The following TPRG1 variants were observed in gnomAD, a reference collection of about 807,000 sequenced individuals.
TPRG1 encodes the protein tumor protein p63-regulated gene 1 protein.
Under a neutral mutation model 29.3 loss-of-function variants are expected in TPRG1, and 29 were observed. That is an observed-to-expected ratio of 0.99 (90% confidence interval 0.74 to 1.35). TPRG1 has a LOEUF of 1.35. Ranked by LOEUF, TPRG1 falls within the 40% of genes most tolerant of loss-of-function variation. TPRG1 has a pLI of 0.00. For missense variants in TPRG1, 327 were observed against 335.0 expected (o/e 0.98, Z 0.19); for synonymous variants, 130 against 116.8 (o/e 1.11, Z -0.73).
intron 1 of TPRG1, among the ~76,000 whole-genome samples, chr3:189,114,994 A>G (rs547324389): frequency 7.2e-5 from 11 of 152,298 alleles, no homozygotes; most frequent in African/African-American, 2.6e-4. Flanking sequence ...CTGTTTTTAC[A>G]CAAGTAAAGG....
intron 4 of TPRG1, among the ~76,000 whole-genome samples, chr3:189,254,924 T>A (rs1711566989): frequency 6.6e-6 from 1 of 152,226 alleles, no homozygotes; most frequent in Non-Finnish European, 1.5e-5. Context: ...GTTTTGGGGC[T>A]GAGAAGATGG....
intron 4 of TPRG1, among the ~76,000 whole-genome samples, chr3:189,092,233 C>A (rs180972570): frequency 2.6e-5 from 4 of 152,226 alleles, no homozygotes; most frequent in East Asian, 1.9e-4. Context: ...TGCATACAAA[C>A]CACCTGTGGG....
At chr3:189,141,174 G>T (rs966022713) in intron 3 of TPRG1, among the ~76,000 whole-genome samples, 4 of 152,208 alleles carry the variant, frequency 2.6e-5, no homozygotes, top group Non-Finnish European at 2.9e-5. Context: ...TTTCAAGGAA[G>T]TAATTTCCAT....
Position 189,222,465 on chromosome 3 carries a change from G to A in TPRG1, c.302+7082G>A, listed in dbSNP as rs137964008. Among the ~76,000 whole-genome samples, 17 of 152,114 alleles carry A rather than the reference G, an allele frequency of 1.1e-4. No individual in the cohort carries two copies. The East Asian group carries it at 2.1e-3, about 19-fold the overall frequency. On this transcript the variant is annotated intron_variant, in intron 3 of 5. Coordinates refer to ENST00000345063, the MANE Select transcript of TPRG1 (RefSeq NM_198485.4). The stretch of plus-strand genomic sequence containing the variant: ...TACTCAACCCCATGGATTTTTGTAC[G>A]CGCTCATCTAGTCTAGACCCCTGGT...
intron 1 of TPRG1, among the ~76,000 whole-genome samples, chr3:189,193,080 T>C (rs1296295382): frequency 1.3e-5 from 2 of 151,944 alleles, no homozygotes; most frequent in Admixed American, 1.3e-4. Context: ...ATATGTGACT[T>C]GATGTTTTTA....
chr3:189,170,676 C>T (rs755706614), upstream of TPRG1, among the ~76,000 whole-genome samples: 2 of 152,178 alleles, frequency 1.3e-5, no homozygotes. Flanking sequence ...CAGTTAACTA[C>T]TGTTGAGTTA....
intron 4 of TPRG1, among the ~76,000 whole-genome samples, chr3:189,281,400 C>T (rs997403298): frequency 1.2e-4 from 19 of 152,122 alleles, no homozygotes; most frequent in Admixed American, 2.6e-4. Flanking sequence ...CTTCGTACAC[C>T]TTTAGCCATG....
At chr3:189,315,412 C>T (rs531942414) in intron 5 of TPRG1, 1 of 431,132 alleles carries the variant, frequency 2.3e-6, no homozygotes, top group Non-Finnish European at 4.6e-6. Flanking sequence ...CAATTATCCT[C>T]AATTATTTCA....
At chr3:189,258,877 C>A (rs546802611) in intron 4 of TPRG1, among the ~76,000 whole-genome samples, 1 of 152,144 alleles carries the variant, frequency 6.6e-6, no homozygotes, top group African/African-American at 2.4e-5. Context: ...TGTCCCAGGT[C>A]GACTTCAGAC....
intron 5 of TPRG1, among the ~76,000 whole-genome samples, chr3:189,315,953 A>G (rs1331721839): frequency 2.0e-5 from 3 of 152,240 alleles, no homozygotes; most frequent in Admixed American, 6.5e-5. Flanking sequence ...GACATTTGAT[A>G]TGAAACTCAA....
At chr3:189,088,213 C>A (rs1244240843) in intron 4 of TPRG1, among the ~76,000 whole-genome samples, 3 of 152,040 alleles carry the variant, frequency 2.0e-5, no homozygotes, top group African/African-American at 7.3e-5. Context: ...TGAAGAGGTC[C>A]TTCACATCCC....
intron 5 of TPRG1, among the ~76,000 whole-genome samples, chr3:189,313,646 C>CTGGTCAT: frequency 6.6e-6 from 1 of 152,218 alleles, no homozygotes; most frequent in South Asian, 2.1e-4. Context: ...GTCATTTCTT[C>CTGGTCAT]TACTGTATCT....
chr3:189,227,557 G>A (rs1018881237), intron 3 of TPRG1, among the ~76,000 whole-genome samples: 1 of 152,166 alleles, frequency 6.6e-6, no homozygotes, highest in African/African-American at 2.4e-5. Flanking sequence ...TCACTGTGAA[G>A]AAGTAGAGAG....
At chr3:189,311,050 G>A (rs1197012623) in intron 5 of TPRG1, among the ~76,000 whole-genome samples, 1 of 152,106 alleles carries the variant, frequency 6.6e-6, no homozygotes, top group African/African-American at 2.4e-5. Context: ...TCCATGAAGT[G>A]TAAAGCTATT....
At chr3:189,252,950 T>C (rs1301152547) in intron 4 of TPRG1, among the ~76,000 whole-genome samples, 2 of 152,168 alleles carry the variant, frequency 1.3e-5, no homozygotes, top group African/African-American at 2.4e-5. Context: ...TTTAATTTCA[T>C]TTACATATTG....
intron 1 of TPRG1, among the ~76,000 whole-genome samples, chr3:189,179,410 G>A (rs903785757): frequency 6.6e-6 from 1 of 152,116 alleles, no homozygotes; most frequent in African/African-American, 2.4e-5. Flanking sequence ...TATAAACCTT[G>A]TCTTTCAGCC....
chr3:189,129,631 G>T (rs1426653251), intron 2 of TPRG1, among the ~76,000 whole-genome samples: 2 of 152,052 alleles, frequency 1.3e-5, no homozygotes, highest in African/African-American at 4.8e-5. Flanking sequence ...ATGTTGTAAT[G>T]GTCATTTTCT....
At chr3:189,272,039 T>C (rs1055108010) in intron 4 of TPRG1, among the ~76,000 whole-genome samples, 1 of 152,228 alleles carries the variant, frequency 6.6e-6, no homozygotes, top group Admixed American at 6.5e-5. Context: ...TTTTGGATTC[T>C]AATGAAATCA....
rs917366731 is a variant in TPRG1, at chr3:189,107,954, A to C, written c.-744+7750A>C. 5.3e-5 allele frequency among the ~76,000 whole-genome samples: 8 copies of C among 152,146 alleles called. 1 individual carries two copies. Among genetic ancestry groups the C allele is most frequent in the African/African-American group, 1.9e-4 (8 of 41,436 alleles). ...CATAGAATCATAAGGTTGTATCGTA[A>C]CAAGAGATTTTATAGGCCGTTTAAA... On this transcript the variant is annotated intron_variant, in intron 1 of 6. Coordinates refer to the TPRG1 transcript ENST00000412373.
Sources: gnomAD v4.1 joint callset for allele counts (sites outside exome capture counted in the v4.1 genomes callset) on GRCh38, gnomAD v4.1.1 for gene constraint, MANE v1.5 for transcripts, NCBI Gene and HGNC (gene_info 2026-07-23, HGNC 2026-07-21) for gene names.